Variants in HK1 observed in about 807,000 individuals in gnomAD.
The protein encoded by HK1 is hexokinase 1.
In HK1, 28 loss-of-function variants were observed where a neutral mutation model predicts 91.6. The observed-to-expected ratio is 0.31, with a 90% confidence interval of 0.23 to 0.42. The LOEUF (loss-of-function observed/expected upper bound fraction) is 0.42. Ranked by LOEUF, HK1 falls within the 10% of genes least tolerant of loss-of-function variation. The probability of loss-of-function intolerance (pLI) is 1.00; values close to 1 mark genes in which losing one functional copy is unlikely to be tolerated. For synonymous variants in HK1, 430 were observed against 468.1 expected (o/e 0.92, Z 1.05); for missense variants, 770 against 1,219.8 (o/e 0.63, Z 5.49).
intron 16 of HK1, among the ~76,000 whole-genome samples, chr10:69,397,872 G>C (rs1168259352): frequency 6.6e-6 from 1 of 152,176 alleles, no homozygotes; most frequent in African/African-American, 2.4e-5. Context: ...CTCACTAATA[G>C]AGAATAATAT....
rs184370162 is a variant in HK1 at position 69,306,085 on chromosome 10, G to T, written c.27+5224G>T. Reference sequence around the variant, plus strand: ...AAGAGGAAAGGGTGGGGCTGGGCACGGTGGCTCACGCCTGTAATCCCAGCA... The same window carrying T: ...AAGAGGAAAGGGTGGGGCTGGGCACTGTGGCTCACGCCTGTAATCCCAGCA... On this transcript the variant is annotated intron_variant, in intron 5 of 21. Transcript: ENST00000360289. 1.7e-3 allele frequency among the ~76,000 whole-genome samples: 261 copies of T among 152,002 alleles called. 3 individuals are homozygous for T. Among genetic ancestry groups the T allele is most frequent in the African/African-American group, 5.9e-3 (245 of 41,506 alleles).
Position 69,401,005 on chromosome 10 carries a change from T to C in HK1, c.2624T>C (p.Met875Thr). 6.2e-7 allele frequency: 1 copy of C among 1,614,252 alleles called. No homozygotes were observed. Among genetic ancestry groups the C allele is most frequent in the Non-Finnish European group, 8.5e-7 (1 of 1,180,040 alleles). The change falls in exon 18 of 18, where the codon ATG (methionine) becomes ACG (threonine). Residue 875 changes from methionine (M) to threonine (T), a missense_variant. By Grantham distance (81) the Met-to-Thr change is moderately conservative (BLOSUM62 -1). Around this residue, in one of 7 missense-constraint regions of HK1, gnomAD observed 78 missense variants for 99.0 expected, o/e 0.79. Transcript: ENST00000359426. The part of the protein sequence containing the change: ...YKLHPHFSRI[M>T]HQTVKELSPK... Reference sequence around the variant, plus strand: ...GTCCTTTTTAGCTTCTCCAGAATCATGCACCAGACGGTGAAGGAACTGTCA... The same window carrying C: ...GTCCTTTTTAGCTTCTCCAGAATCACGCACCAGACGGTGAAGGAACTGTCA...
intron 4 of HK1, among the ~76,000 whole-genome samples, chr10:69,366,322 A>G (rs751335135): frequency 6.6e-6 from 1 of 152,144 alleles, no homozygotes; most frequent in Non-Finnish European, 1.5e-5. Context: ...AGTTAGTAGC[A>G]TTTGGGCTCA....
chr10:69,364,776 C>T lies in HK1; in HGVS notation c.376-7C>T, dbSNP rs981226340. ...GGGCCCCCTGACTGCTCTCATGTTT[C>T]CTTCAGCTTTTTGATCATGTTGCTG... On this transcript the variant is annotated splice_polypyrimidine_tract_variant and splice_region_variant and intron_variant, in intron 3 of 17. Transcript: ENST00000359426. 10 of 1,614,012 alleles carry T rather than the reference C, an allele frequency of 6.2e-6. No homozygotes were observed. The African/African-American group carries it at 9.3e-5, about 15-fold the overall frequency.
At chr10:69,394,019 G>T (rs1222863956) in intron 15 of HK1, among the ~76,000 whole-genome samples, 1 of 152,250 alleles carries the variant, frequency 6.6e-6, no homozygotes, top group African/African-American at 2.4e-5. Flanking sequence ...GAATGAGAAG[G>T]ACTGGGTGGG....
Position 69,382,497 on chromosome 10 carries a change from C to A in HK1, c.1276C>A (p.Arg426Ser). ...LYKTHPQYSR[R>S]FHKTLRRLVP... ...CCCTGCCCCCATAAGGTATTCCCGG[C>A]GTTTCCACAAGACTCTAAGGCGCTT... The change falls in exon 10 of 18, where the codon CGT (arginine) becomes AGT (serine). Residue 426 changes from arginine to serine, a missense_variant. Arg to Ser is a moderately radical substitution (Grantham distance 110, BLOSUM62 -1). Around this residue, in one of 7 missense-constraint regions of HK1, gnomAD observed 449 missense variants for 665.1 expected, o/e 0.68. Transcript: ENST00000359426. 1 of 1,614,182 alleles carries A rather than the reference C, an allele frequency of 6.2e-7. No individual in the cohort carries two copies.
intron 3 of HK1, among the ~76,000 whole-genome samples, chr10:69,361,526 A>T (rs1849417420): frequency 6.6e-6 from 1 of 152,206 alleles, no homozygotes; most frequent in African/African-American, 2.4e-5. Context: ...CGCATTCAAC[A>T]CTGAGACTCA....
intron 1 of HK1, among the ~76,000 whole-genome samples, chr10:69,343,178 G>A (rs530056591): frequency 5.3e-5 from 8 of 152,320 alleles, no homozygotes; most frequent in African/African-American, 7.2e-5. Context: ...AAGGGTCCTA[G>A]CCCTTTGGCC....
chr10:69,283,146 A>T (rs1844840092), intron 2 of HK1, among the ~76,000 whole-genome samples: 1 of 115,986 alleles, frequency 8.6e-6, no homozygotes, highest in Non-Finnish European at 1.9e-5. Context: ...AAAAAAAAAA[A>T]TGAATGAAGG....
At chr10:69,315,921 T>G (rs1179296870), upstream of HK1, 1 of 1,612,240 alleles carries the variant, frequency 6.2e-7, no homozygotes, top group South Asian at 1.1e-5. Context: ...CCCAGGTTCC[T>G]GCCCTGTAAA....
chr10:69,300,718 CGAT>C (rs1156708799), intron 4 of HK1: 11 of 1,038,912 alleles, frequency 1.1e-5, no homozygotes, highest in Non-Finnish European at 1.6e-5. Context: ...AGAAACCAGA[CGAT>C]GACTTTGGAG....
At chr10:69,281,540 A>G (rs893242339) in intron 1 of HK1, among the ~76,000 whole-genome samples, 3 of 152,204 alleles carry the variant, frequency 2.0e-5, no homozygotes, top group African/African-American at 7.2e-5. Context: ...GTCACTTTCT[A>G]TAGGAAGCCG....
intron 7 of HK1, among the ~76,000 whole-genome samples, chr10:69,375,813 A>G (rs1839069545): frequency 6.6e-6 from 1 of 152,140 alleles, no homozygotes; most frequent in South Asian, 2.1e-4. Context: ...TATGGCATCG[A>G]GCCCTGGTTC....
chr10:69,401,217 T>G lies in HK1; in HGVS notation c.*82T>G. On this transcript the variant is annotated 3_prime_UTR_variant, in exon 18 of 18. Coordinates refer to ENST00000359426, the MANE Select transcript of HK1 (RefSeq NM_000188.3). Reference sequence around the variant, plus strand: ...CCCCTACCCTCCCAGCGAGTTGCGCTGGGAGACGCTGGCGCCAGGGCCTGC... The same window carrying G: ...CCCCTACCCTCCCAGCGAGTTGCGCGGGGAGACGCTGGCGCCAGGGCCTGC... The G allele has an allele frequency of 6.6e-7, 1 of 1,507,030 alleles. No individual in the cohort carries two copies. Among genetic ancestry groups the G allele is most frequent in the Non-Finnish European group, 9.0e-7 (1 of 1,114,188 alleles). The allele number at this position is 1,507,030 out of a possible 1,614,324, so 93.4% of individuals were successfully genotyped here.
At chr10:69,318,177 A>C (rs957591586), upstream of HK1, 1 of 985,440 alleles carries the variant, frequency 1.0e-6, no homozygotes, top group Non-Finnish European at 1.2e-6. Context: ...CAAATCTGCC[A>C]GCTGGAGATT....
At chr10:69,332,092 T>C (rs890882285) in intron 1 of HK1, among the ~76,000 whole-genome samples, 6 of 152,154 alleles carry the variant, frequency 3.9e-5, no homozygotes, top group Non-Finnish European at 8.8e-5. Context: ...ATTTCATCTG[T>C]TCTTTTTAAA....
At chr10:69,337,616 A>G (rs1848055758) in intron 1 of HK1, among the ~76,000 whole-genome samples, 2 of 152,184 alleles carry the variant, frequency 1.3e-5, no homozygotes, top group African/African-American at 4.8e-5. Flanking sequence ...GTGAATTCTG[A>G]TGTTGAAATC....
intron 9 of HK1, among the ~76,000 whole-genome samples, chr10:69,381,877 T>C (rs1421839082): frequency 6.6e-6 from 1 of 152,236 alleles, no homozygotes; most frequent in Admixed American, 6.5e-5. Flanking sequence ...TTGAACACCG[T>C]GCTTTTGACC....
upstream of HK1, among the ~76,000 whole-genome samples, chr10:69,314,584 C>T (rs181537499): frequency 6.6e-6 from 1 of 152,178 alleles, no homozygotes; most frequent in Admixed American, 6.5e-5. Flanking sequence ...GGGCTGGGCA[C>T]AATGGCTCAC....
Sources: allele counts gnomAD v4.1 joint callset (sites outside exome capture counted in the v4.1 genomes callset), GRCh38; gene constraint gnomAD v4.1.1; regional missense constraint gnomAD v4.1.1; transcripts MANE v1.5; gene names NCBI Gene and HGNC (gene_info 2026-07-23, HGNC 2026-07-21).